GMDS: variants seen among roughly 807,000 people sequenced by gnomAD.
The protein encoded by GMDS is GDP-mannose 4,6-dehydratase, also known as GDP-mannose 4,6 dehydratase.
A neutral mutation model predicts 49.9 loss-of-function variants in GMDS; 20 were observed. That is an observed-to-expected ratio of 0.40 (90% CI 0.28 to 0.58). The LOEUF (loss-of-function observed/expected upper bound fraction) is 0.58, where lower values mean the gene tolerates loss of function less well. GMDS is among the 20% of genes least tolerant of loss of function. The pLI is 0.42. For missense variants in GMDS, 362 were observed against 481.4 expected (o/e 0.75, Z 2.32); for synonymous variants, 177 against 178.6 (o/e 0.99, Z 0.07).
chr6:1,860,851 C>T (rs935907494), intron 7 of GMDS, among the ~76,000 whole-genome samples: 1 of 152,148 alleles, frequency 6.6e-6, no homozygotes, highest in African/African-American at 2.4e-5. Flanking sequence ...GGCAGGCACA[C>T]ACTGATGGGA....
At chr6:2,017,242 C>T (rs1767959411) in intron 4 of GMDS, among the ~76,000 whole-genome samples, 1 of 151,898 alleles carries the variant, frequency 6.6e-6, no homozygotes, top group African/African-American at 2.4e-5. Context: ...TGAAAGACAG[C>T]AAATTATCTG....
In GMDS at chr6:1,778,541, G is replaced by T. The variant is rs1768934527; in HGVS notation, c.772-35955C>A. ...TGGAGTGTTCCAAGATCTAAAATAG[G>T]TTAGTTTGTAAAACATGCCATAAAA... On this transcript the variant is annotated intron_variant, in intron 7 of 10. Transcript: ENST00000380815. This position sits in a 1 kb window ranked among gnomAD's most constrained non-coding sequence, Gnocchi z 4.6. 6.6e-6 allele frequency among the ~76,000 whole-genome samples: 1 copy of T among 152,114 alleles called. No individual in the cohort carries two copies. Among genetic ancestry groups the T allele is most frequent in the Admixed American group, 6.5e-5 (1 of 15,276 alleles).
At chr6:1,751,981 C>T (rs1476106729) in intron 7 of GMDS, among the ~76,000 whole-genome samples, 2 of 152,114 alleles carry the variant, frequency 1.3e-5, no homozygotes, top group African/African-American at 2.4e-5. Flanking sequence ...TCTTCTCCTC[C>T]AAAGGATCAC....
rs571785914 is a variant in GMDS, at chr6:1,631,505, G to A, written c.988-6965C>T. On this transcript the variant is annotated intron_variant, in intron 9 of 10. Coordinates refer to ENST00000380815, the MANE Select transcript of GMDS (RefSeq NM_001500.4). ...ACCTCTTAGAAATGTCCCCCCCTCC[G>A]CCCCACCACCACTGCTTCGGACATG... Among the ~76,000 whole-genome samples the A allele has an allele frequency of 1.8e-3, 270 of 152,028 alleles. 1 individual carries two copies. The highest frequency in any genetic ancestry group is 7.8e-3 in the Admixed American group (119 of 15,286).
At chr6:1,802,607 T>C (rs537001175) in intron 7 of GMDS, among the ~76,000 whole-genome samples, 221 of 152,312 alleles carry the variant, frequency 1.5e-3, no homozygotes, top group African/African-American at 5.2e-3. Context: ...CACAGGGACC[T>C]GCTCCGCTGT....
At chr6:1,916,879 C>T (rs1482377360) in intron 7 of GMDS, among the ~76,000 whole-genome samples, 1 of 148,644 alleles carries the variant, frequency 6.7e-6, no homozygotes, top group African/African-American at 2.5e-5. Context: ...CAAGCTTCTT[C>T]AGGTTTTTTT....
chr6:2,095,645 T>C (rs1773555894), intron 4 of GMDS, among the ~76,000 whole-genome samples: 1 of 152,224 alleles, frequency 6.6e-6, no homozygotes, highest in African/African-American at 2.4e-5. Context: ...AGAGTGTTTC[T>C]TGCAAATGTG....
intron 4 of GMDS, among the ~76,000 whole-genome samples, chr6:2,004,185 C>A (rs1224562173): frequency 6.6e-6 from 1 of 152,162 alleles, no homozygotes; most frequent in Non-Finnish European, 1.5e-5. Context: ...TAGGGCAAGC[C>A]CTTCCATTAG....
chr6:1,926,874 A>T (rs1581373622), intron 7 of GMDS, among the ~76,000 whole-genome samples: 2 of 152,232 alleles, frequency 1.3e-5, no homozygotes, highest in East Asian at 3.8e-4. Flanking sequence ...AATACACAAG[A>T]CCCACTTGTA....
At chr6:1,883,712 C>T (rs1171005707) in intron 7 of GMDS, among the ~76,000 whole-genome samples, 1 of 152,120 alleles carries the variant, frequency 6.6e-6, no homozygotes, top group Non-Finnish European at 1.5e-5. Context: ...ACATTTCCTC[C>T]TACTTAAAAA....
intron 7 of GMDS, among the ~76,000 whole-genome samples, chr6:1,895,817 C>T (rs1291727343): frequency 3.3e-5 from 5 of 152,146 alleles, no homozygotes; most frequent in African/African-American, 1.2e-4. Flanking sequence ...ACCAGAACCA[C>T]CAGATACAGA....
At chr6:2,131,718 T>C (rs1562084111) in intron 1 of GMDS, among the ~76,000 whole-genome samples, 1 of 152,088 alleles carries the variant, frequency 6.6e-6, no homozygotes, top group African/African-American at 2.4e-5. Context: ...ACATAATATA[T>C]AGATACAGCA....
chr6:1,854,215 T>G (rs1304712931), intron 7 of GMDS, among the ~76,000 whole-genome samples: 1 of 152,224 alleles, frequency 6.6e-6, no homozygotes, highest in Non-Finnish European at 1.5e-5. Context: ...CACAGATATG[T>G]GATAACAGAA....
At chr6:1,923,669 A>G (rs1392243114) in intron 7 of GMDS, among the ~76,000 whole-genome samples, 3 of 152,372 alleles carry the variant, frequency 2.0e-5, no homozygotes, top group Admixed American at 1.3e-4. Context: ...GCGGTTGAGC[A>G]TGGTGGGCCA....
At chr6:2,064,574 C>T (rs542796476) in intron 4 of GMDS, among the ~76,000 whole-genome samples, 1 of 152,194 alleles carries the variant, frequency 6.6e-6, no homozygotes, top group African/African-American at 2.4e-5. Flanking sequence ...GGACCTCCTC[C>T]CCGATTCCCT....
intron 6 of GMDS, among the ~76,000 whole-genome samples, chr6:1,954,992 C>T (rs2127285701): frequency 6.6e-6 from 1 of 152,110 alleles, no homozygotes; most frequent in East Asian, 1.9e-4. Flanking sequence ...TCACTGATCA[C>T]AGATCACCGT....
At chr6:1,685,007 C>T (rs1027611187) in intron 9 of GMDS, among the ~76,000 whole-genome samples, 2 of 119,340 alleles carry the variant, frequency 1.7e-5, no homozygotes, top group Admixed American at 1.6e-4. Context: ...ACTGCTCCCT[C>T]TCTCCCCCCC....
At chr6:2,187,200 T>A (rs1163254071) in intron 1 of GMDS, among the ~76,000 whole-genome samples, 1 of 152,202 alleles carries the variant, frequency 6.6e-6, no homozygotes, top group East Asian at 1.9e-4. Flanking sequence ...GGTGTGCAGG[T>A]AAAGCGTTCC....
intron 7 of GMDS, among the ~76,000 whole-genome samples, chr6:1,874,250 G>T (rs1462626051): frequency 2.0e-5 from 3 of 152,208 alleles, no homozygotes; most frequent in Admixed American, 2.0e-4. Context: ...TAGGCTGGTA[G>T]AAAGAAATGT....
Sources: allele counts gnomAD v4.1 joint callset (sites outside exome capture counted in the v4.1 genomes callset), GRCh38; gene constraint gnomAD v4.1.1; non-coding constraint Gnocchi (gnomAD v3.1); transcripts MANE v1.5; gene names NCBI Gene and HGNC (gene_info 2026-07-23, HGNC 2026-07-21).